PLAAT5: variants seen among roughly 807,000 people sequenced by gnomAD.
The protein encoded by PLAAT5 is phospholipase A and acyltransferase 5, also known as Ca(2+)-independent N-acyltransferase.
A neutral mutation model predicts 27.8 loss-of-function variants in PLAAT5; 27 were observed. That is an observed-to-expected ratio of 0.97 (90% CI 0.72 to 1.34). PLAAT5 has a LOEUF of 1.34. Ranked by LOEUF, PLAAT5 falls within the 40% of genes most tolerant of loss-of-function variation. PLAAT5 has a pLI of 0.00. For missense variants in PLAAT5, 368 were observed against 343.8 expected, an observed-to-expected ratio of 1.07 and a Z score of -0.56; for synonymous variants, 125 against 136.1, an observed-to-expected ratio of 0.92 and a Z score of 0.57.
chr11:63,491,068 T>C lies in PLAAT5; in HGVS notation c.-34A>G. ...TGCGGCCTCGCCGGCCCCCAGGCCT[T>C]GCAGGGGACTACGCCCCTGGCGAGT... On this transcript the variant is annotated 5_prime_UTR_variant, in exon 1 of 6. Transcript: ENST00000540857. 7.1e-7 allele frequency: 1 copy of C among 1,406,672 alleles called. No individual in the cohort carries two copies. Among genetic ancestry groups the C allele is most frequent in the Non-Finnish European group, 9.2e-7 (1 of 1,082,438 alleles). 87.1% of individuals were successfully genotyped at this position (1,406,672 alleles called of 1,614,324 possible).
chr11:63,483,801 GTATATATATATATA>G lies in PLAAT5; in HGVS notation c.345+5056_345+5069del, dbSNP rs71039646. Among the ~76,000 whole-genome samples, 127 of 24,148 alleles carry G rather than the reference GTATATATATATATA, an allele frequency of 5.3e-3. 3 individuals carry two copies. The highest frequency in any genetic ancestry group is 8.8e-3 in the Admixed American group (14 of 1,588). The allele number at this position is 24,148 out of a possible 152,430, so 15.8% of individuals were successfully genotyped here. ...AAAAAAAAAATATATATATATATAT[GTATATATATATATA>G]TATATATATATATATATATATATAT... On this transcript the variant is annotated intron_variant, in intron 3 of 5. Transcript: ENST00000540857.
intron 3 of PLAAT5, among the ~76,000 whole-genome samples, chr11:63,484,159 GA>G (rs763657277): frequency 0.018 from 1,974 of 107,216 alleles, 38 homozygotes; most frequent in African/African-American, 0.058. Context: ...GCCAACAACA[GA>G]AAAAAAAAAA....
rs1461085381 is a variant in PLAAT5, at chr11:63,462,131, A to C, written c.*1372T>G. ...ATCTTCAGATTAAAGCATTCACTAA[A>C]ACATGGCTGGGTTAGTTTGCAGCTA... is the stretch of plus-strand genomic sequence containing the variant. On this transcript the variant is annotated 3_prime_UTR_variant, in exon 6 of 6. Transcript: ENST00000540857. 6.6e-6 allele frequency: 1 copy of C among 152,218 alleles called. No individual in the cohort carries two copies. Among genetic ancestry groups the C allele is most frequent in the Non-Finnish European group, 1.5e-5 (1 of 68,046 alleles). 9.4% of individuals were successfully genotyped at this position (152,218 alleles called of 1,614,324 possible). A position where few individuals can be genotyped will look rare whatever the true frequency, so the allele number is the denominator to read the frequency against.
chr11:63,472,791 G>A (rs1262290331), intron 3 of PLAAT5, among the ~76,000 whole-genome samples: 1 of 152,082 alleles, frequency 6.6e-6, no homozygotes, highest in Admixed American at 6.6e-5. Flanking sequence ...CTGCAACTTT[G>A]CTGAACATAT....
At chr11:63,475,178 C>G (rs1181966934) in intron 3 of PLAAT5, among the ~76,000 whole-genome samples, 1 of 150,998 alleles carries the variant, frequency 6.6e-6, no homozygotes, top group Non-Finnish European at 1.5e-5. Flanking sequence ...CAGTTAGTTG[C>G]TTACATCTTC....
At chr11:63,483,991 GA>G (rs1336990061) in intron 3 of PLAAT5, among the ~76,000 whole-genome samples, 2 of 149,722 alleles carry the variant, frequency 1.3e-5, no homozygotes, top group African/African-American at 4.9e-5. Flanking sequence ...TGAGACCACA[GA>G]AATACAAAAG....
chr11:63,471,499 A>G (rs1330018816), intron 3 of PLAAT5, among the ~76,000 whole-genome samples: 1 of 152,204 alleles, frequency 6.6e-6, no homozygotes, highest in African/African-American at 2.4e-5. Flanking sequence ...TCTATGATAG[A>G]TTCTTTTTCA....
Position 63,483,789 on chromosome 11 carries a change from ATATATATATATGT to A in PLAAT5, c.345+5069_345+5081del, listed in dbSNP as rs2016351311. Among the ~76,000 whole-genome samples the A allele has an allele frequency of 2.9e-4, 22 of 74,848 alleles. 1 individual carries two copies. The African/African-American group carries it at 3.6e-3, about 12-fold the overall frequency. The allele number at this position is 74,848 out of a possible 152,430, so 49.1% of individuals were successfully genotyped here. A position where few individuals can be genotyped will look rare whatever the true frequency, so the allele number is the denominator to read the frequency against. On this transcript the variant is annotated intron_variant, in intron 3 of 5. Transcript: ENST00000540857. Reference sequence around the variant, plus strand: ...TGAAATTGAAGCAAAAAAAAAATATATATATATATATGTATATATATATATATATATATATATA... The same window carrying A: ...TGAAATTGAAGCAAAAAAAAAATATAATATATATATATATATATATATATA...
chr11:63,463,453 C>A lies in PLAAT5; in HGVS notation c.*50G>T, dbSNP rs544694063. The A allele has an allele frequency of 1.1e-5, 16 of 1,400,412 alleles. No individual in the cohort carries two copies. Among genetic ancestry groups the A allele is most frequent in the Non-Finnish European group, 2.0e-6 (2 of 988,616 alleles). The allele number at this position is 1,400,412 out of a possible 1,614,324, so 86.7% of individuals were successfully genotyped here. A position where few individuals can be genotyped will look rare whatever the true frequency, so the allele number is the denominator to read the frequency against. Reference sequence around the variant, plus strand: ...AGAAGGCAAGGGAAGGAAGCATGTTCTTTTTGCTTGTGTCAGTAACTCTTC... The same window carrying A: ...AGAAGGCAAGGGAAGGAAGCATGTTATTTTTGCTTGTGTCAGTAACTCTTC... On this transcript the variant is annotated 3_prime_UTR_variant, in exon 6 of 6. Coordinates refer to ENST00000540857, the MANE Select transcript of PLAAT5 (RefSeq NM_001146729.2).
rs1311617531 is a variant in PLAAT5, at chr11:63,490,210, C to T, written c.239+33G>A. 12 of 1,613,594 alleles carry T rather than the reference C, an allele frequency of 7.4e-6. No homozygotes were observed. The Admixed American group carries it at 2.0e-4, about 27-fold the overall frequency. On this transcript the variant is annotated intron_variant, in intron 2 of 5. Transcript: ENST00000540857. ...AGTCAATTCTCCAAAAGATTTCTTCCACCCAAAGACCCCAACCTTACAATC... is the reference window on the plus strand; with the variant it reads ...AGTCAATTCTCCAAAAGATTTCTTCTACCCAAAGACCCCAACCTTACAATC...
intron 3 of PLAAT5, among the ~76,000 whole-genome samples, chr11:63,486,047 T>C (rs2016425815): frequency 6.6e-6 from 1 of 152,106 alleles, no homozygotes; most frequent in Non-Finnish European, 1.5e-5. Flanking sequence ...TCACTAATTA[T>C]CAGAGAAATG....
chr11:63,464,770 A>T (rs2120204075), intron 5 of PLAAT5, among the ~76,000 whole-genome samples: 1 of 152,314 alleles, frequency 6.6e-6, no homozygotes, highest in South Asian at 2.1e-4. Flanking sequence ...TTAGGATTCA[A>T]AGTTATTTCA....
chr11:63,472,836 G>A, intron 3 of PLAAT5, among the ~76,000 whole-genome samples: 1 of 152,126 alleles, frequency 6.6e-6, no homozygotes, highest in Non-Finnish European at 1.5e-5. Flanking sequence ...AGGCGCGGTG[G>A]CTCATGCCTG....
chr11:63,466,225 T>C lies in PLAAT5; in HGVS notation c.602A>G (p.Lys201Arg). The change falls in exon 5 of 6, where the codon AAG becomes AGG. Residue 201 changes from lysine (K) to arginine (R), a missense_variant. Physicochemically the swap from Lys to Arg is conservative, Grantham distance 26. Transcript: ENST00000540857. ...DGTYLPLPVD[K>R]IIQRTKKMVN... ...CATCTTTTTTGTACGCTGGATGATC[T>C]TGTCCACCGGCAAGGGCAGGTACGT... 2.5e-6 allele frequency: 4 copies of C among 1,614,140 alleles called. No homozygotes were observed. The highest frequency in any genetic ancestry group is 3.4e-6 in the Non-Finnish European group (4 of 1,180,020).
chr11:63,490,145 A>G (rs1321622549), intron 2 of PLAAT5, 98 bp downstream of exon 2: 18 of 1,543,886 alleles, frequency 1.2e-5, no homozygotes, highest in Non-Finnish European at 1.4e-5. Context: ...TGGTTCACAC[A>G]AAAACCACCT....
At chr11:63,485,916 A>G (rs1348354175) in intron 3 of PLAAT5, among the ~76,000 whole-genome samples, 1 of 152,172 alleles carries the variant, frequency 6.6e-6, no homozygotes, top group Non-Finnish European at 1.5e-5. Flanking sequence ...AAGGAAATCA[A>G]GCAAATAAAT....
intron 4 of PLAAT5, among the ~76,000 whole-genome samples, chr11:63,467,166 C>A (rs894143456): frequency 6.6e-6 from 1 of 151,990 alleles, no homozygotes; most frequent in Non-Finnish European, 1.5e-5. Context: ...TCTTTTCTTA[C>A]AAATTTGAAG....
At chr11:63,474,248 T>C (rs2016100894) in intron 3 of PLAAT5, among the ~76,000 whole-genome samples, 1 of 152,188 alleles carries the variant, frequency 6.6e-6, no homozygotes, top group South Asian at 2.1e-4. Flanking sequence ...TCTTCCTCTA[T>C]TTTCAGAAAG....
At chr11:63,468,785 A>C (rs1475440277) in intron 3 of PLAAT5, among the ~76,000 whole-genome samples, 4 of 152,232 alleles carry the variant, frequency 2.6e-5, no homozygotes, top group Non-Finnish European at 4.4e-5. Context: ...TAAAGCAAGT[A>C]AGATGTTAAA....
Sources: allele counts gnomAD v4.1 joint callset (sites outside exome capture counted in the v4.1 genomes callset), GRCh38; gene constraint gnomAD v4.1.1; transcripts MANE v1.5; gene names NCBI Gene and HGNC (gene_info 2026-07-23, HGNC 2026-07-21).